KCNC2: variants seen among roughly 807,000 people sequenced by gnomAD.
KCNC2 encodes the protein potassium voltage-gated channel subfamily C member 2.
KCNC2 carries 21 observed loss-of-function variants against 44.5 expected under a neutral mutation model. That is an observed-to-expected ratio of 0.47 (90% CI 0.33 to 0.68). The LOEUF is 0.68. KCNC2 is among the 30% of genes least tolerant of loss of function. KCNC2 has a pLI of 0.01. For synonymous variants in KCNC2, 391 were observed against 339.1 expected, an observed-to-expected ratio of 1.15 and a Z score of -1.68; for missense variants, 589 against 826.2, an observed-to-expected ratio of 0.71 and a Z score of 3.52.
Position 75,042,708 on chromosome 12 carries a change from C to A in KCNC2, c.*397G>T, listed in dbSNP as rs1330194098. ...ATGTCGTGTGCAATCAAGATAGGAT[C>A]CCAGACATCTTCAGAATGGTTTACA... On this transcript the variant is annotated 3_prime_UTR_variant, in exon 5 of 5. Transcript: ENST00000549446. 5 of 1,171,104 alleles carry A rather than the reference C, an allele frequency of 4.3e-6. No individual in the cohort carries two copies. Among genetic ancestry groups the A allele is most frequent in the Non-Finnish European group, 5.3e-6 (5 of 946,772 alleles). 72.5% of individuals were successfully genotyped at this position (1,171,104 alleles called of 1,614,324 possible).
intron 2 of KCNC2, among the ~76,000 whole-genome samples, chr12:75,166,916 A>C (rs117232143): frequency 0.011 from 1,739 of 151,350 alleles, 15 homozygotes; most frequent in Middle Eastern, 0.02. Flanking sequence ...AATAAGCCCA[A>C]AGCAGGCAGA....
At chr12:75,072,934 G>T (rs1055110812) in intron 2 of KCNC2, among the ~76,000 whole-genome samples, 2 of 152,084 alleles carry the variant, frequency 1.3e-5, no homozygotes, top group African/African-American at 4.8e-5. Context: ...TCACTGAAGT[G>T]GGCAAAATGG....
intron 2 of KCNC2, among the ~76,000 whole-genome samples, chr12:75,162,282 T>C (rs1490737002): frequency 2.0e-5 from 3 of 151,732 alleles, no homozygotes; most frequent in Non-Finnish European, 4.4e-5. Flanking sequence ...TATTCAGTCT[T>C]AGTTTCTTTA....
chr12:75,077,646 T>TAGATCTGGC (rs1223496934), intron 2 of KCNC2, among the ~76,000 whole-genome samples: 3 of 152,222 alleles, frequency 2.0e-5, no homozygotes, highest in African/African-American at 7.2e-5. Context: ...CTGTCCATTA[T>TAGATCTGGC]CTTAAAATAA....
chr12:75,090,348 C>T (rs962701746), intron 2 of KCNC2, among the ~76,000 whole-genome samples: 2 of 151,478 alleles, frequency 1.3e-5, no homozygotes, highest in Non-Finnish European at 3.0e-5. Context: ...TTTTAATAGG[C>T]CATTATGCCC....
At position 75,050,997 on chromosome 12, in the gene KCNC2, T is replaced by A. The variant is rs199659211; in HGVS notation, c.1008A>T (p.Ser336=). 1.2e-6 allele frequency: 2 copies of A among 1,613,842 alleles called. No individual in the cohort carries two copies. Among genetic ancestry groups the A allele is most frequent in the African/African-American group, 2.7e-5 (2 of 74,992 alleles). ...FYLEVGLSGL[S]SKAAKDVLGF... is the part of the protein sequence containing the mutation. ...CAAGCACATCTTTAGCAGCTTTGGA[T>A]GACAGCCCACTGAGTCCCACCTCTA... The change falls in exon 3 of 5, where the codon TCA becomes TCT. Residue 336 remains serine, a synonymous_variant. Transcript: ENST00000549446.
At position 75,048,183 on chromosome 12, in the gene KCNC2, T is replaced by C; in HGVS notation, c.1750A>G (p.Thr584Ala). The C allele has an allele frequency of 6.2e-7, 1 of 1,613,088 alleles. No individual in the cohort carries two copies. Among genetic ancestry groups the C allele is most frequent in the South Asian group, 1.1e-5 (1 of 91,044 alleles). ...CTGATCCCTCCATCAGAAGCACACGTGTAATCACCTGTCGTCAGTAGGAAA... is the reference window on the plus strand; with the variant it reads ...CTGATCCCTCCATCAGAAGCACACGCGTAATCACCTGTCGTCAGTAGGAAA... ...TCFLLTTGDY[T>A]CASDGGIRKG... Residue 584 changes from threonine (T) to alanine (A), a missense_variant, in exon 4 of 5, where the codon ACG (threonine) becomes GCG (alanine). Around this residue, in one of 7 missense-constraint regions of KCNC2, gnomAD observed 171 missense variants for 182.4 expected, o/e 0.94. Coordinates refer to ENST00000549446, the MANE Select transcript of KCNC2 (RefSeq NM_139137.4).
chr12:75,114,507 C>G (rs1207447820), intron 2 of KCNC2, among the ~76,000 whole-genome samples: 2 of 152,088 alleles, frequency 1.3e-5, no homozygotes, highest in African/African-American at 4.8e-5. Flanking sequence ...AAGTCTTGGC[C>G]CCCTGAGCCT....
At chr12:75,133,943 G>A (rs577069264) in intron 2 of KCNC2, among the ~76,000 whole-genome samples, 4 of 152,000 alleles carry the variant, frequency 2.6e-5, no homozygotes, top group South Asian at 4.1e-4. Context: ...GAAGGAAAAG[G>A]AAGAAAAAAG....
intron 4 of KCNC2, among the ~76,000 whole-genome samples, 193 bp downstream of exon 4, chr12:75,047,960 A>T (rs571691074): frequency 6.6e-6 from 1 of 152,236 alleles, no homozygotes; most frequent in East Asian, 1.9e-4. Context: ...GATGTCTTTC[A>T]GATATGACGA....
At chr12:75,135,705 T>G (rs981811209) in intron 2 of KCNC2, among the ~76,000 whole-genome samples, 3 of 152,076 alleles carry the variant, frequency 2.0e-5, no homozygotes, top group Non-Finnish European at 4.4e-5. Context: ...TTGTTCCACA[T>G]GTCATCGAAT....
chr12:75,108,383 A>G (rs556238744), intron 2 of KCNC2, among the ~76,000 whole-genome samples: 2 of 152,336 alleles, frequency 1.3e-5, no homozygotes, highest in South Asian at 4.1e-4. Context: ...CTGCAACAAT[A>G]TAAATGAGAT....
chr12:75,171,955 T>A (rs735637), intron 2 of KCNC2, among the ~76,000 whole-genome samples: 1 of 151,576 alleles, frequency 6.6e-6, no homozygotes. Flanking sequence ...TGTTCTCTTC[T>A]ATTAAGGATG....
At chr12:75,192,251 A>G (rs550013286) in intron 2 of KCNC2, among the ~76,000 whole-genome samples, 3 of 152,322 alleles carry the variant, frequency 2.0e-5, no homozygotes, top group African/African-American at 7.2e-5. Context: ...TCCATTCTTC[A>G]GCATCTTTTC....
In KCNC2 at chr12:75,103,272, A is replaced by T. The variant is rs150208003; in HGVS notation, c.688-51955T>A. Among the ~76,000 whole-genome samples, 818 of 152,318 alleles carry T rather than the reference A, an allele frequency of 5.4e-3. 8 individuals carry two copies. The highest frequency in any genetic ancestry group is 0.019 in the African/African-American group (770 of 41,592). Reference sequence around the variant, plus strand: ...CCACATATCCACTATTATGGTTCCCAATTCTTTAGGGGGTTTACCCCCCTA... The same window carrying T: ...CCACATATCCACTATTATGGTTCCCTATTCTTTAGGGGGTTTACCCCCCTA... On this transcript the variant is annotated intron_variant, in intron 2 of 4. Coordinates refer to ENST00000549446, the MANE Select transcript of KCNC2 (RefSeq NM_139137.4).
intron 2 of KCNC2, among the ~76,000 whole-genome samples, chr12:75,145,757 T>C (rs1472257982): frequency 6.6e-6 from 1 of 152,052 alleles, no homozygotes; most frequent in Non-Finnish European, 1.5e-5. Flanking sequence ...ATTTTTTGGG[T>C]AGGGAAGAGA....
chr12:75,076,518 C>A (rs559505833), intron 2 of KCNC2, among the ~76,000 whole-genome samples: 115 of 152,186 alleles, frequency 7.6e-4, no homozygotes, highest in African/African-American at 2.6e-3. Context: ...GTGATCCGCC[C>A]GCCTCGGCCT....
At chr12:75,111,634 T>C (rs868613983) in intron 2 of KCNC2, among the ~76,000 whole-genome samples, 3 of 151,960 alleles carry the variant, frequency 2.0e-5, no homozygotes, top group South Asian at 2.1e-4. Context: ...CTGCTGAAAA[T>C]TGCCAAGTTT....
Position 75,207,317 on chromosome 12 carries a change from AG to A in KCNC2, c.666del (p.Tyr223ThrfsTer60), listed in dbSNP as rs1384323395. ...CTTACCCTGGCGGCTCTGGACGAGTAGGGGTCTTCGAAGAGGGCCCACATGC... is the reference window on the plus strand; with the variant it reads ...CTTACCCTGGCGGCTCTGGACGAGTAGGGTCTTCGAAGAGGGCCCACATGC... ...QPRMWALFED[P>X]YSSRAARFIA... On this transcript the variant is annotated frameshift_variant, in exon 2 of 5. Coordinates refer to ENST00000549446, the MANE Select transcript of KCNC2 (RefSeq NM_139137.4). LOFTEE classifies it high-confidence loss of function. The surrounding 1 kb of genome is among the most constrained non-coding windows in gnomAD (Gnocchi z 4.1). 1 of 1,560,066 alleles carries A rather than the reference AG, an allele frequency of 6.4e-7. No individual in the cohort carries two copies. The highest frequency in any genetic ancestry group is 8.7e-7 in the Non-Finnish European group (1 of 1,155,280).
Sources: gnomAD v4.1 joint callset for allele counts (sites outside exome capture counted in the v4.1 genomes callset) on GRCh38, gnomAD v4.1.1 for gene constraint, gnomAD v4.1.1 regional missense constraint, Gnocchi (gnomAD v3.1) non-coding constraint, MANE v1.5 for transcripts, NCBI Gene and HGNC (gene_info 2026-07-23, HGNC 2026-07-21) for gene names.